PHF24: variants seen among roughly 807,000 people sequenced by gnomAD.
The protein encoded by PHF24 is Galpha inhibitory interacting protein.
Under a neutral mutation model 42.6 loss-of-function variants are expected in PHF24, and 25 were observed. That is an observed-to-expected ratio of 0.59 (90% CI 0.43 to 0.82). The LOEUF (loss-of-function observed/expected upper bound fraction) is 0.82, where lower values mean the gene tolerates loss of function less well. Ranked by LOEUF, PHF24 falls within the 40% of genes least tolerant of loss-of-function variation. The pLI, the probability that PHF24 is intolerant of heterozygous loss-of-function variation, is 0.00. For synonymous variants in PHF24, 185 were observed against 204.8 expected (o/e 0.90, Z 0.83); for missense variants, 470 against 538.1 (o/e 0.87, Z 1.25).
At chr9:34,791,076 A>G in the PHF24 span, among the ~76,000 whole-genome samples, 1 of 152,250 alleles carries the variant, frequency 6.6e-6, no homozygotes, top group Non-Finnish European at 1.5e-5. Flanking sequence ...CGGTTGAGCC[A>G]GGATGTAACA....
the PHF24 span, among the ~76,000 whole-genome samples, chr9:34,919,968 T>C: frequency 2.6e-5 from 4 of 152,176 alleles, no homozygotes; most frequent in Non-Finnish European, 5.9e-5. Flanking sequence ...GGACACTTAG[T>C]TTGGTTCCAA....
At chr9:34,962,233 G>T (rs1826612544) in intron 1 of PHF24, among the ~76,000 whole-genome samples, 1 of 152,192 alleles carries the variant, frequency 6.6e-6, no homozygotes, top group African/African-American at 2.4e-5. Context: ...TAATTCTTAT[G>T]TGAAGACACG....
the PHF24 span, chr9:34,726,798 A>G: frequency 1.9e-6 from 3 of 1,551,628 alleles, no homozygotes; most frequent in African/African-American, 4.1e-5. Context: ...TGATCTAAAG[A>G]CATACTAGAC....
chr9:34,881,792 A>T, the PHF24 span, among the ~76,000 whole-genome samples: 1 of 152,234 alleles, frequency 6.6e-6, no homozygotes, highest in Non-Finnish European at 1.5e-5. Flanking sequence ...TACAAAGAGG[A>T]GCTGGTACCA....
chr9:34,936,782 C>G, the PHF24 span, among the ~76,000 whole-genome samples: 19 of 143,278 alleles, frequency 1.3e-4, no homozygotes, highest in Non-Finnish European at 2.1e-4. Context: ...GAGGTGAGGA[C>G]CGTCTCTGCC....
chr9:34,970,156 G>T (rs1361278647), intron 1 of PHF24, among the ~76,000 whole-genome samples: 3 of 152,148 alleles, frequency 2.0e-5, no homozygotes, highest in Non-Finnish European at 1.5e-5. Context: ...CTTAGAAAAA[G>T]AATTCCCCAG....
At chr9:34,694,905 AT>A in the PHF24 span, among the ~76,000 whole-genome samples, 2 of 151,938 alleles carry the variant, frequency 1.3e-5, no homozygotes, top group Admixed American at 6.6e-5. Context: ...TTCCAGTTAA[AT>A]TTTTTTTGAG....
the PHF24 span, among the ~76,000 whole-genome samples, chr9:34,938,217 A>G: frequency 6.6e-6 from 1 of 152,242 alleles, no homozygotes; most frequent in Non-Finnish European, 1.5e-5. Context: ...AGAACTTTCA[A>G]GGTTTAACTC....
the PHF24 span, among the ~76,000 whole-genome samples, chr9:34,685,654 T>A: frequency 1.3e-5 from 2 of 152,238 alleles, no homozygotes; most frequent in Middle Eastern, 6.8e-3. Context: ...ACTTGGGAGG[T>A]CATTCTCCTC....
intron 7 of PHF24, 126 bp from the exon 8 acceptor site, chr9:34,977,889 A>T (rs1042652900): frequency 3.7e-6 from 3 of 818,302 alleles, no homozygotes; most frequent in Admixed American, 3.6e-5. Context: ...AGCTCAAGCC[A>T]TGCTGCCCCT....
At chr9:34,716,565 C>CTTTGT in the PHF24 span, among the ~76,000 whole-genome samples, 50,645 of 148,066 alleles carry the variant, frequency 0.34, 9,541 homozygotes, top group East Asian at 0.49. Context: ...TTTTGTTTTG[C>CTTTGT]TTTGTTTTGT....
At chr9:34,799,611 T>C in the PHF24 span, among the ~76,000 whole-genome samples, 1 of 152,222 alleles carries the variant, frequency 6.6e-6, no homozygotes, top group Non-Finnish European at 1.5e-5. Context: ...CAATCAGAGT[T>C]CTAATTTCTA....
chr9:34,676,721 C>T, the PHF24 span, among the ~76,000 whole-genome samples: 2 of 152,314 alleles, frequency 1.3e-5, no homozygotes, highest in East Asian at 1.9e-4. Context: ...GGAAGCATAA[C>T]ACTGGCATTT....
intron 6 of PHF24, 148 bp from the exon 7 acceptor site, chr9:34,977,398 C>A: frequency 2.5e-6 from 3 of 1,189,914 alleles, no homozygotes; most frequent in Non-Finnish European, 3.6e-6. Flanking sequence ...CGGGCCAGGG[C>A]ATAGGACAGC....
chr9:34,934,301 C>G, the PHF24 span, among the ~76,000 whole-genome samples: 2 of 152,110 alleles, frequency 1.3e-5, no homozygotes, highest in South Asian at 4.1e-4. Context: ...TAAGTGATTA[C>G]AAAATTCTTT....
chr9:34,716,179 C>T, the PHF24 span, among the ~76,000 whole-genome samples: 10 of 152,128 alleles, frequency 6.6e-5, no homozygotes, highest in Admixed American at 1.3e-4. Flanking sequence ...CTCAGTTTCT[C>T]GGAGTCATAA....
At chr9:34,885,924 C>G in the PHF24 span, among the ~76,000 whole-genome samples, 1 of 151,854 alleles carries the variant, frequency 6.6e-6, no homozygotes, top group Non-Finnish European at 1.5e-5. Flanking sequence ...CTTTGGTTCT[C>G]CATACCATTC....
the PHF24 span, among the ~76,000 whole-genome samples, chr9:34,805,127 G>A: frequency 1.4e-4 from 22 of 152,242 alleles, no homozygotes; most frequent in Non-Finnish European, 2.6e-4. Context: ...CATTTGGGTT[G>A]TTTCCATCTT....
the PHF24 span, among the ~76,000 whole-genome samples, chr9:34,692,137 G>A: frequency 6.6e-6 from 1 of 152,144 alleles, no homozygotes. Flanking sequence ...AACTAAATGT[G>A]AAACGCCCAG....
Sources: gnomAD v4.1 joint callset for allele counts (sites outside exome capture counted in the v4.1 genomes callset) on GRCh38, gnomAD v4.1.1 for gene constraint, MANE v1.5 for transcripts, NCBI Gene and HGNC (gene_info 2026-07-23, HGNC 2026-07-21) for gene names.